Variants in CTSO observed in about 807,000 individuals in gnomAD.
CTSO encodes the protein cathepsin O.
Under a neutral mutation model 42.4 loss-of-function variants are expected in CTSO, and 40 were observed. That is an observed-to-expected ratio of 0.94 (90% CI 0.73 to 1.23). CTSO has a LOEUF of 1.23. Ranked by LOEUF, CTSO falls within the 50% of genes most tolerant of loss-of-function variation. The pLI is 0.00. For missense variants in CTSO, 441 were observed against 396.0 expected (o/e 1.11, Z -0.96); for synonymous variants, 156 against 146.2 (o/e 1.07, Z -0.48).
chr4:155,937,762 G>A (rs1006927787), intron 4 of CTSO, among the ~76,000 whole-genome samples: 1 of 151,940 alleles, frequency 6.6e-6, no homozygotes, highest in Non-Finnish European at 1.5e-5. Context: ...CTACAGGTAT[G>A]AGCCACCACG....
intron 5 of CTSO, among the ~76,000 whole-genome samples, chr4:155,934,922 C>G (rs1033677639): frequency 6.6e-6 from 1 of 152,048 alleles, no homozygotes; most frequent in African/African-American, 2.4e-5. Context: ...GGACTGTTGG[C>G]AAGGCATGAT....
intron 1 of CTSO, 142 bp from the exon 2 acceptor site, chr4:155,943,406 A>ATC (rs1289901551): frequency 2.0e-5 from 10 of 504,532 alleles, no homozygotes; most frequent in African/African-American, 1.3e-4. Context: ...TGTATAAGAT[A>ATC]TCCATAGGAG....
At chr4:155,945,300 G>A (rs1743522123) in intron 1 of CTSO, among the ~76,000 whole-genome samples, 1 of 151,632 alleles carries the variant, frequency 6.6e-6, no homozygotes, top group Admixed American at 6.6e-5. Context: ...AGAATGAGAA[G>A]ACATGAATAA....
intron 3 of CTSO, among the ~76,000 whole-genome samples, chr4:155,941,079 G>T (rs1299136107): frequency 6.6e-6 from 1 of 152,186 alleles, no homozygotes; most frequent in Non-Finnish European, 1.5e-5. Context: ...CAAATGATTT[G>T]GTGGTAAAAC....
chr4:155,947,547 C>A (rs1743571184), intron 1 of CTSO, among the ~76,000 whole-genome samples: 1 of 152,154 alleles, frequency 6.6e-6, no homozygotes. Context: ...CCAAGAATAT[C>A]TATTCTCTTA....
At chr4:155,946,608 A>G (rs984069776) in intron 1 of CTSO, among the ~76,000 whole-genome samples, 1 of 152,142 alleles carries the variant, frequency 6.6e-6, no homozygotes, top group Non-Finnish European at 1.5e-5. Context: ...GCCAACTTCT[A>G]AAAGAATTCC....
At chr4:155,939,234 C>T (rs1743383971) in intron 4 of CTSO, 137 bp downstream of exon 4, 2 of 680,080 alleles carry the variant, frequency 2.9e-6, no homozygotes, top group South Asian at 7.5e-5. Context: ...TGATTAATTA[C>T]TTCATGCTTT....
intron 1 of CTSO, among the ~76,000 whole-genome samples, chr4:155,945,932 C>T (rs560763824): frequency 1.1e-4 from 16 of 152,170 alleles, no homozygotes; most frequent in Middle Eastern, 3.4e-3. Flanking sequence ...ACACCAAATG[C>T]GCACACACAC....
At chr4:155,929,850 G>T in intron 5 of CTSO, 145 bp from the exon 6 acceptor site, 1 of 668,448 alleles carries the variant, frequency 1.5e-6, no homozygotes, top group Non-Finnish European at 2.4e-6. Flanking sequence ...TGAGAGACTG[G>T]TAGTCTATGG....
chr4:155,924,298 A>G lies in CTSO; in HGVS notation c.*1738T>C, dbSNP rs1199141822. 6.6e-6 allele frequency: 1 copy of G among 152,224 alleles called. No individual in the cohort carries two copies. Among genetic ancestry groups the G allele is most frequent in the African/African-American group, 2.4e-5 (1 of 41,470 alleles). 9.4% of individuals were successfully genotyped at this position (152,224 alleles called of 1,614,324 possible). ...CGAATACAAACTAGACAAGCAGGAC[A>G]TAGTTCTTTTCTGGCATTCCAGGAT... is the stretch of plus-strand genomic sequence containing the variant. On this transcript the variant is annotated 3_prime_UTR_variant, in exon 8 of 8. Coordinates refer to ENST00000433477, the MANE Select transcript of CTSO (RefSeq NM_001334.3).
chr4:155,948,574 G>A (rs1361290824), intron 1 of CTSO, among the ~76,000 whole-genome samples: 1 of 152,164 alleles, frequency 6.6e-6, no homozygotes, highest in Non-Finnish European at 1.5e-5. Flanking sequence ...TCCCAGCAAG[G>A]CCAAACAACA....
Position 155,939,526 on chromosome 4 carries a change from A to C in CTSO, c.397T>G (p.Trp133Gly). 1 of 1,613,896 alleles carries C rather than the reference A, an allele frequency of 6.2e-7. No homozygotes were observed. Among genetic ancestry groups the C allele is most frequent in the Non-Finnish European group, 8.5e-7 (1 of 1,179,820 alleles). ...VRNQQMCGGC[W>G]AFSVVGAVES... is the part of the protein sequence containing the mutation. ...ACTGCCCCCACCACGCTGAAGGCCCAGCATCCTCCACACTGTTTAAAAACA... is the reference window on the plus strand; with the variant it reads ...ACTGCCCCCACCACGCTGAAGGCCCCGCATCCTCCACACTGTTTAAAAACA... Residue 133 changes from tryptophan to glycine, a missense_variant, in exon 4 of 8, where the codon TGG becomes GGG. Transcript: ENST00000433477.
chr4:155,938,265 C>T (rs935213797), intron 4 of CTSO, among the ~76,000 whole-genome samples: 9 of 152,106 alleles, frequency 5.9e-5, no homozygotes, highest in East Asian at 3.9e-4. Context: ...AAAACCCTCC[C>T]TTTTTGAATG....
chr4:155,939,670 C>A, intron 3 of CTSO, 132 bp from the exon 4 acceptor site: 1 of 683,170 alleles, frequency 1.5e-6, no homozygotes, highest in South Asian at 3.9e-5. Flanking sequence ...ATACGCCTAT[C>A]CTCTAGATTT....
Position 155,926,530 on chromosome 4 carries a change from A to C in CTSO, c.932-460T>G, listed in dbSNP as rs146797418. Among the ~76,000 whole-genome samples the C allele has an allele frequency of 1.6e-3, 246 of 152,342 alleles. 1 individual carries two copies. Among genetic ancestry groups the C allele is most frequent in the African/African-American group, 5.6e-3 (234 of 41,576 alleles). On this transcript the variant is annotated intron_variant, in intron 7 of 7. Transcript: ENST00000433477. ...ACACGAGAACACAGATTGCAACATC[A>C]TGGCAAAAGCAATAAATAGCCTATC...
intron 7 of CTSO, among the ~76,000 whole-genome samples, chr4:155,926,825 G>T (rs535966935): frequency 1.3e-5 from 2 of 152,154 alleles, no homozygotes; most frequent in African/African-American, 4.8e-5. Flanking sequence ...GGTGAGGGAC[G>T]TAGTTATAAT....
At chr4:155,945,912 ACAC>A (rs776500679) in intron 1 of CTSO, among the ~76,000 whole-genome samples, 20 of 152,182 alleles carry the variant, frequency 1.3e-4, no homozygotes, top group Non-Finnish European at 2.4e-4. Context: ...TACCACACAC[ACAC>A]CACACCACAC....
chr4:155,938,074 T>C (rs763072282), intron 4 of CTSO, among the ~76,000 whole-genome samples: 17 of 152,306 alleles, frequency 1.1e-4, no homozygotes, highest in Admixed American at 3.9e-4. Context: ...TCTTGTCATC[T>C]TTCTCCTGAC....
intron 2 of CTSO, among the ~76,000 whole-genome samples, chr4:155,942,907 A>C (rs2110927281): frequency 6.6e-6 from 1 of 152,316 alleles, no homozygotes; most frequent in African/African-American, 2.4e-5. Context: ...AAGTGATTAG[A>C]CAATTATCCT....
Sources: allele counts gnomAD v4.1 joint callset (sites outside exome capture counted in the v4.1 genomes callset), GRCh38; gene constraint gnomAD v4.1.1; transcripts MANE v1.5; gene names NCBI Gene and HGNC (gene_info 2026-07-23, HGNC 2026-07-21).